Variants in TANC2 observed in about 807,000 individuals in gnomAD.
TANC2 encodes tetratricopeptide repeat, ankyrin repeat and coiled-coil containing 2, also known as protein TANC2.
A neutral mutation model predicts 210.5 loss-of-function variants in TANC2; 26 were observed. That is an observed-to-expected ratio of 0.12 (90% CI 0.09 to 0.17). The LOEUF (loss-of-function observed/expected upper bound fraction) is 0.17, where lower values mean the gene tolerates loss of function less well. Among genes scored for constraint, TANC2 ranks in the 10% least tolerant of loss-of-function variants. The pLI, the probability that TANC2 is intolerant of heterozygous loss-of-function variation, is 1.00. For synonymous variants in TANC2, 931 were observed against 967.1 expected (o/e 0.96, Z 0.69); for missense variants, 2,129 against 2,608.9 (o/e 0.82, Z 4.01).
intron 27 of TANC2, 64 bp from the exon 28 acceptor site, chr17:63,419,935 G>T: frequency 6.8e-7 from 1 of 1,471,878 alleles, no homozygotes; most frequent in Non-Finnish European, 9.0e-7. Context: ...CATGTTCTCA[G>T]CTCTTGGTGA....
intron 2 of TANC2, among the ~76,000 whole-genome samples, chr17:63,069,799 G>T (rs1467680642): frequency 6.6e-6 from 1 of 152,008 alleles, no homozygotes; most frequent in Non-Finnish European, 1.5e-5. Context: ...TGATTACTGG[G>T]TTCCATTGTG....
intron 14 of TANC2, among the ~76,000 whole-genome samples, chr17:63,359,640 G>T (rs1312503627): frequency 6.6e-6 from 1 of 152,126 alleles, no homozygotes; most frequent in Non-Finnish European, 1.5e-5. Context: ...AAGCCACCGT[G>T]CCCAGCCTAG....
chr17:63,258,434 C>G (rs1379710860), intron 8 of TANC2, among the ~76,000 whole-genome samples: 1 of 152,200 alleles, frequency 6.6e-6, no homozygotes. Flanking sequence ...CTACCCCAGT[C>G]TCTGTCTCCT....
In TANC2 at chr17:63,229,866, T is replaced by C. The variant is rs2042425892; in HGVS notation, c.770-7948T>C. Reference sequence around the variant, plus strand: ...CTCACTACAACCTCTGCCCTCTGGGTTGAAGTGATTTTCATGTCTCAGCCT... The same window carrying C: ...CTCACTACAACCTCTGCCCTCTGGGCTGAAGTGATTTTCATGTCTCAGCCT... On this transcript the variant is annotated intron_variant, in intron 7 of 27. Coordinates refer to ENST00000689528, the Ensembl canonical transcript of TANC2. 2.6e-5 allele frequency among the ~76,000 whole-genome samples: 4 copies of C among 151,246 alleles called. No homozygotes were observed. The South Asian group carries it at 8.4e-4, about 32-fold the overall frequency.
chr17:63,157,395 G>A (rs1044573106), intron 5 of TANC2, among the ~76,000 whole-genome samples: 2 of 152,170 alleles, frequency 1.3e-5, no homozygotes, highest in African/African-American at 2.4e-5. Context: ...TCTGAATGTG[G>A]TGTTTAGATC....
At chr17:63,002,952 TATG>T in intron 1 of TANC2, among the ~76,000 whole-genome samples, 1 of 152,326 alleles carries the variant, frequency 6.6e-6, no homozygotes, top group South Asian at 2.1e-4. Flanking sequence ...GTCTTTTCAT[TATG>T]CATATATGTT....
At chr17:63,280,231 C>T (rs2044019204) in intron 9 of TANC2, among the ~76,000 whole-genome samples, 2 of 152,192 alleles carry the variant, frequency 1.3e-5, no homozygotes, top group South Asian at 2.1e-4. Flanking sequence ...TCATTTCTCT[C>T]TTACCCTCTC....
At chr17:63,367,158 C>T (rs2146986974) in intron 14 of TANC2, among the ~76,000 whole-genome samples, 1 of 152,342 alleles carries the variant, frequency 6.6e-6, no homozygotes, top group South Asian at 2.1e-4. Context: ...CTTGTACCCA[C>T]TTGCTTGGTT....
intron 5 of TANC2, among the ~76,000 whole-genome samples, chr17:63,159,279 G>A (rs1293080317): frequency 6.6e-6 from 1 of 152,148 alleles, no homozygotes; most frequent in Non-Finnish European, 1.5e-5. Flanking sequence ...AGTTCTCTTG[G>A]TTTAAAATAA....
intron 3 of TANC2, among the ~76,000 whole-genome samples, chr17:63,089,468 G>T (rs1260573504): frequency 6.6e-6 from 1 of 152,186 alleles, no homozygotes; most frequent in Non-Finnish European, 1.5e-5. Flanking sequence ...AGTCAGAGAA[G>T]TTGGAAGGGG....
At chr17:63,146,063 C>T (rs2039453228) in intron 4 of TANC2, among the ~76,000 whole-genome samples, 1 of 152,056 alleles carries the variant, frequency 6.6e-6, no homozygotes, top group Non-Finnish European at 1.5e-5. Context: ...TTTATTTGTA[C>T]CTTCTTTAAT....
At chr17:63,052,323 TAGTTCAAAGATTG>T (rs1162819393) in intron 2 of TANC2, among the ~76,000 whole-genome samples, 10 of 152,244 alleles carry the variant, frequency 6.6e-5, no homozygotes, top group African/African-American at 2.2e-4. Context: ...TAAATTGTAA[TAGTTCAAAGATTG>T]AGTCCAGCTC....
intron 6 of TANC2, among the ~76,000 whole-genome samples, chr17:63,194,509 G>T (rs2041280697): frequency 6.6e-6 from 1 of 152,168 alleles, no homozygotes. Context: ...AAAGATTCCA[G>T]TTACTGTGAC....
chr17:63,229,114 T>G (rs1188691004), intron 7 of TANC2, among the ~76,000 whole-genome samples: 1 of 152,178 alleles, frequency 6.6e-6, no homozygotes, highest in Admixed American at 6.5e-5. Flanking sequence ...CAATAGCTAG[T>G]TTATCGAGAG....
intron 5 of TANC2, chr17:63,155,216 C>A (rs2039795219): frequency 6.6e-6 from 1 of 151,560 alleles, no homozygotes; most frequent in African/African-American, 2.4e-5. Flanking sequence ...TTAAAAAAAA[C>A]AAAAACAAAA....
intron 11 of TANC2, among the ~76,000 whole-genome samples, chr17:63,321,024 C>A (rs1264698318): frequency 6.6e-6 from 1 of 152,006 alleles, no homozygotes; most frequent in Non-Finnish European, 1.5e-5. Flanking sequence ...CATGGCAAAG[C>A]CCCATCTCCA....
At chr17:63,233,912 C>T (rs2146024798) in intron 7 of TANC2, among the ~76,000 whole-genome samples, 1 of 152,316 alleles carries the variant, frequency 6.6e-6, no homozygotes, top group Non-Finnish European at 1.5e-5. Context: ...GGTTAGATTT[C>T]TGTCTCCTTT....
chr17:63,036,783 A>G (rs1222982732), intron 2 of TANC2, among the ~76,000 whole-genome samples: 1 of 150,432 alleles, frequency 6.6e-6, no homozygotes, highest in Non-Finnish European at 1.5e-5. Context: ...GATATTTTTC[A>G]TCAGCATTTG....
intron 9 of TANC2, among the ~76,000 whole-genome samples, chr17:63,282,086 A>G (rs1007430977): frequency 1.3e-5 from 2 of 152,194 alleles, no homozygotes; most frequent in South Asian, 2.1e-4. Context: ...CAATGTAGTA[A>G]AAAGGAAGGA....
Sources: gnomAD v4.1 joint callset for allele counts (sites outside exome capture counted in the v4.1 genomes callset) on GRCh38, gnomAD v4.1.1 for gene constraint, MANE v1.5 for transcripts, NCBI Gene and HGNC (gene_info 2026-07-23, HGNC 2026-07-21) for gene names.